Variants in CFAP20DC observed in about 807,000 individuals in gnomAD.
CFAP20DC encodes the protein CFAP20 domain containing, also known as protein CFAP20DC.
Under a neutral mutation model 101.7 loss-of-function variants are expected in CFAP20DC, and 84 were observed. The ratio of observed to expected loss-of-function variants is 0.83; its 90% CI spans 0.69 to 0.99. The LOEUF is 0.99. Among genes scored for constraint, CFAP20DC ranks in the 50% least tolerant of loss-of-function variants. The pLI, the probability that CFAP20DC is intolerant of heterozygous loss-of-function variation, is 0.00. For synonymous variants in CFAP20DC, 359 were observed against 351.2 expected (o/e 1.02, Z -0.25); for missense variants, 1,007 against 970.3 (o/e 1.04, Z -0.50).
chr3:58,760,415 C>G (rs2069442867), intron 15 of CFAP20DC, among the ~76,000 whole-genome samples: 1 of 152,194 alleles, frequency 6.6e-6, no homozygotes, highest in South Asian at 2.1e-4. Context: ...AGTTGCCTAT[C>G]AGCTTAAGGA....
chr3:58,740,858 T>C (rs1189440422), downstream of CFAP20DC, among the ~76,000 whole-genome samples: 9 of 152,322 alleles, frequency 5.9e-5, no homozygotes, highest in East Asian at 1.5e-3. The surrounding 1 kb of genome is among the most constrained non-coding windows in gnomAD (Gnocchi z 4.6). Flanking sequence ...TTTAAGGTCA[T>C]AATCAACAAA....
At chr3:58,934,532 T>G (rs961205119) in intron 5 of CFAP20DC, among the ~76,000 whole-genome samples, 2 of 152,176 alleles carry the variant, frequency 1.3e-5, no homozygotes, top group Non-Finnish European at 2.9e-5. Flanking sequence ...AATAAAATAC[T>G]GGCAAACCGA....
At position 58,869,902 on chromosome 3, in the gene CFAP20DC, T is replaced by C. The variant is rs2079999563; in HGVS notation, c.852+271A>G. 6.6e-6 allele frequency among the ~76,000 whole-genome samples: 1 copy of C among 152,364 alleles called. No homozygotes were observed. Among genetic ancestry groups the C allele is most frequent in the East Asian group, 1.9e-4 (1 of 5,192 alleles). On this transcript the variant is annotated intron_variant, in intron 8 of 16. Transcript: ENST00000482387. The surrounding 1 kb of genome is among the most constrained non-coding windows in gnomAD (Gnocchi z 4.3). ...AGACAGCAAAATGTGCTCACTTATA[T>C]TTGCCTTTAAATTTTGTGAACATAT...
chr3:58,936,230 T>C lies in CFAP20DC; in HGVS notation c.393+1418A>G, dbSNP rs537760605. Among the ~76,000 whole-genome samples the C allele has an allele frequency of 2.7e-3, 413 of 152,076 alleles. 1 individual carries two copies. The highest frequency in any genetic ancestry group is 9.2e-3 in the African/African-American group (383 of 41,504). Reference sequence around the variant, plus strand: ...AAATCAAAACCACAATGAGATACCATCTCACACCAGTTAGAATGGCAATCA... The same window carrying C: ...AAATCAAAACCACAATGAGATACCACCTCACACCAGTTAGAATGGCAATCA... On this transcript the variant is annotated intron_variant, in intron 5 of 16. Coordinates refer to ENST00000482387, the MANE Select transcript of CFAP20DC (RefSeq NM_001394063.1).
intron 4 of CFAP20DC, among the ~76,000 whole-genome samples, chr3:58,949,311 C>T (rs554030548): frequency 5.3e-5 from 8 of 152,068 alleles, no homozygotes; most frequent in Non-Finnish European, 1.0e-4. Flanking sequence ...TTAGTTATTT[C>T]TTGCCTTCTG....
chr3:58,769,727 C>T (rs1337486123), intron 15 of CFAP20DC, among the ~76,000 whole-genome samples: 7 of 152,092 alleles, frequency 4.6e-5, no homozygotes, highest in South Asian at 2.1e-4. Flanking sequence ...TTTACATTAT[C>T]GTGACATCTG....
At chr3:58,751,184 C>G (rs2068538474) in intron 16 of CFAP20DC, among the ~76,000 whole-genome samples, 1 of 152,132 alleles carries the variant, frequency 6.6e-6, no homozygotes, top group Non-Finnish European at 1.5e-5. Context: ...AGTGAGCAAA[C>G]TGACAGTCTC....
At chr3:58,926,367 TA>T (rs916491566) in intron 5 of CFAP20DC, among the ~76,000 whole-genome samples, 6 of 149,578 alleles carry the variant, frequency 4.0e-5, no homozygotes, top group South Asian at 2.1e-4. Context: ...GAGACTCCAT[TA>T]AAAAAAAAGA....
intron 15 of CFAP20DC, among the ~76,000 whole-genome samples, chr3:58,771,545 A>G (rs1042118397): frequency 6.6e-6 from 1 of 152,194 alleles, no homozygotes; most frequent in African/African-American, 2.4e-5. Context: ...CCATATTAGC[A>G]TATTGAGTTT....
intron 4 of CFAP20DC, among the ~76,000 whole-genome samples, chr3:58,980,956 C>T (rs2092513235): frequency 6.6e-6 from 1 of 152,170 alleles, no homozygotes; most frequent in South Asian, 2.1e-4. Context: ...TCTAGAAAAC[C>T]CCATTGTCTC....
intron 4 of CFAP20DC, among the ~76,000 whole-genome samples, chr3:58,994,881 G>GA (rs1225278282): frequency 3.9e-5 from 6 of 151,996 alleles, no homozygotes; most frequent in Non-Finnish European, 5.9e-5. Flanking sequence ...GCAGGTGAGG[G>GA]AAGAAGGTTC....
At chr3:58,901,905 G>C (rs1175832314) in intron 6 of CFAP20DC, among the ~76,000 whole-genome samples, 21 of 152,098 alleles carry the variant, frequency 1.4e-4, no homozygotes, top group Admixed American at 1.4e-3. Flanking sequence ...TATCCATTAA[G>C]TAGCTTCTCC....
intron 4 of CFAP20DC, among the ~76,000 whole-genome samples, chr3:59,008,153 C>A (rs893664614): frequency 6.6e-6 from 1 of 152,066 alleles, no homozygotes; most frequent in Non-Finnish European, 1.5e-5. Flanking sequence ...AGATTCAGGC[C>A]GACAGAGGAA....
chr3:59,001,299 T>C lies in CFAP20DC; in HGVS notation c.278+38258A>G, dbSNP rs941661651. Among the ~76,000 whole-genome samples, 4 of 152,208 alleles carry C rather than the reference T, an allele frequency of 2.6e-5. No homozygotes were observed. The highest frequency in any genetic ancestry group is 9.6e-5 in the African/African-American group (4 of 41,458). On this transcript the variant is annotated intron_variant, in intron 4 of 16. Coordinates refer to ENST00000482387, the MANE Select transcript of CFAP20DC (RefSeq NM_001394063.1). The surrounding 1 kb of genome is among the most constrained non-coding windows in gnomAD (Gnocchi z 4.5). ...GCCTGATAGACTGCCTCTATAGGAC[T>C]GTATAGATCACCAAGAAGGCATACC...
intron 16 of CFAP20DC, among the ~76,000 whole-genome samples, chr3:58,750,794 C>T (rs1252302431): frequency 6.6e-6 from 1 of 152,184 alleles, no homozygotes; most frequent in Non-Finnish European, 1.5e-5. Context: ...TTTATCTCTT[C>T]CATACATGAG....
intron 15 of CFAP20DC, among the ~76,000 whole-genome samples, chr3:58,784,591 A>G (rs189278713): frequency 6.6e-6 from 1 of 152,118 alleles, no homozygotes; most frequent in Non-Finnish European, 1.5e-5. Flanking sequence ...GGTTGACTAC[A>G]TGTATTTGCT....
chr3:58,989,128 T>C (rs1161402843), intron 4 of CFAP20DC, among the ~76,000 whole-genome samples: 1 of 152,094 alleles, frequency 6.6e-6, no homozygotes, highest in Non-Finnish European at 1.5e-5. Context: ...TCAATCAAAA[T>C]CCGAAATTTC....
At chr3:58,756,896 C>T (rs1176641233) in intron 15 of CFAP20DC, among the ~76,000 whole-genome samples, 1 of 152,062 alleles carries the variant, frequency 6.6e-6, no homozygotes, top group Non-Finnish European at 1.5e-5. Context: ...AGAGCTTCCT[C>T]ATCCTTTTTT....
In CFAP20DC at chr3:58,964,552, G is replaced by A. The variant is rs532445767; in HGVS notation, c.279-26790C>T. 6.6e-6 allele frequency among the ~76,000 whole-genome samples: 1 copy of A among 152,146 alleles called. No homozygotes were observed. The highest frequency in any genetic ancestry group is 2.4e-5 in the African/African-American group (1 of 41,510). On this transcript the variant is annotated intron_variant, in intron 4 of 16. Coordinates refer to ENST00000482387, the MANE Select transcript of CFAP20DC (RefSeq NM_001394063.1). The surrounding 1 kb of genome is among the most constrained non-coding windows in gnomAD (Gnocchi z 4.1). The stretch of plus-strand genomic sequence containing the variant: ...GTTTTAAGCTGGAAACAATGCTCTC[G>A]CCTGTGGCTTGTAATCCCCTTTTTA...
Sources: allele counts gnomAD v4.1 joint callset (sites outside exome capture counted in the v4.1 genomes callset), GRCh38; gene constraint gnomAD v4.1.1; non-coding constraint Gnocchi (gnomAD v3.1); transcripts MANE v1.5; gene names NCBI Gene and HGNC (gene_info 2026-07-23, HGNC 2026-07-21).